METTL21A: variants seen among roughly 807,000 people sequenced by gnomAD.
METTL21A encodes the protein methyltransferase 21A, HSPA lysine, also known as protein N-lysine methyltransferase METTL21A.
METTL21A carries 22 observed loss-of-function variants against 20.9 expected under a neutral mutation model. That is an observed-to-expected ratio of 1.05 (90% confidence interval 0.75 to 1.50). METTL21A has a LOEUF of 1.50. Ranked by LOEUF, METTL21A falls within the 40% of genes most tolerant of loss-of-function variation. The pLI, the probability that METTL21A is intolerant of heterozygous loss-of-function variation, is 0.00. For synonymous variants in METTL21A, 93 were observed against 102.0 expected, an observed-to-expected ratio of 0.91 and a Z score of 0.53; for missense variants, 271 against 266.8, an observed-to-expected ratio of 1.02 and a Z score of -0.11.
intron 2 of METTL21A, among the ~76,000 whole-genome samples, chr2:207,622,213 G>A (rs1559130689): frequency 1.4e-5 from 2 of 146,046 alleles, no homozygotes; most frequent in Non-Finnish European, 3.0e-5. Context: ...CTGTCACCCA[G>A]GCTGGAGTGC....
At chr2:207,624,331 C>T (rs768689877) in exon 2 of METTL21A, 10 of 1,613,896 alleles carry the variant, frequency 6.2e-6, no homozygotes, top group Non-Finnish European at 7.6e-6. Context: ...TGTGGAATTT[C>T]TGCAACCCAA....
At chr2:207,582,089 C>T (rs985777855) in exon 4 of METTL21A, 1 of 702,498 alleles carries the variant, frequency 1.4e-6, no homozygotes, top group African/African-American at 1.7e-5. Context: ...GTCCAGGTGT[C>T]TCCACTGTTG....
At chr2:207,585,364 C>T (rs2083635636) in intron 3 of METTL21A, among the ~76,000 whole-genome samples, 1 of 152,184 alleles carries the variant, frequency 6.6e-6, no homozygotes, top group Non-Finnish European at 1.5e-5. Context: ...AGAGACAACA[C>T]ATCTGAACCC....
intron 2 of METTL21A, among the ~76,000 whole-genome samples, chr2:207,622,187 T>TG (rs1219407495): frequency 1.4e-5 from 2 of 141,594 alleles, no homozygotes; most frequent in Non-Finnish European, 3.0e-5. Flanking sequence ...TTTTTTGAGA[T>TG]GGAGTCTCAG....
chr2:207,599,491 A>G (rs556268504), intron 3 of METTL21A: 4 of 195,676 alleles, frequency 2.0e-5, no homozygotes, highest in African/African-American at 9.2e-5. Flanking sequence ...AATCAAGGCA[A>G]TCACATTCAT....
intron 3 of METTL21A, among the ~76,000 whole-genome samples, chr2:207,589,084 G>T (rs1416824758): frequency 1.3e-5 from 2 of 152,076 alleles, no homozygotes; most frequent in African/African-American, 4.8e-5. Flanking sequence ...CTTAGGGGGT[G>T]TATTAGTTTT....
intron 3 of METTL21A, 127 bp from the exon 4 acceptor site, chr2:207,613,570 C>A: frequency 1.3e-6 from 1 of 795,870 alleles, no homozygotes; most frequent in Non-Finnish European, 1.9e-6. Flanking sequence ...TCAATCACAC[C>A]TTTCATGGAC....
At chr2:207,588,523 A>G (rs1553508021) in intron 3 of METTL21A, among the ~76,000 whole-genome samples, 2 of 152,180 alleles carry the variant, frequency 1.3e-5, no homozygotes, top group South Asian at 2.1e-4. Context: ...ACTTTAATGT[A>G]TATTTTATAA....
intron 3 of METTL21A, among the ~76,000 whole-genome samples, chr2:207,621,014 G>A (rs1020720010): frequency 3.9e-5 from 6 of 152,204 alleles, no homozygotes; most frequent in Middle Eastern, 3.4e-3. Flanking sequence ...CCCAGGCCCT[G>A]GTCCAGCCCT....
chr2:207,599,086 CAG>C (rs1335669476), intron 3 of METTL21A: 14 of 189,126 alleles, frequency 7.4e-5, no homozygotes, highest in African/African-American at 1.6e-4. Context: ...CAAGGATGAA[CAG>C]AGTTTATGAA....
chr2:207,600,771 CTCTG>C (rs2086908099), intron 3 of METTL21A: 1 of 209,740 alleles, frequency 4.8e-6, no homozygotes, highest in Non-Finnish European at 9.7e-6. Flanking sequence ...TGAAGTTTAT[CTCTG>C]TCTCTCAGGA....
Position 207,618,170 on chromosome 2 carries a change from A to G in METTL21A, c.259+3636T>C, listed in dbSNP as rs371257212. ...CAGCCTTGGCTGGGCATCAAATCAC[A>G]TGGGAAACTTTTAAAATTCAGATTC... On this transcript the variant is annotated intron_variant, in intron 3 of 3. Coordinates refer to ENST00000406927, the Ensembl canonical transcript of METTL21A. Among the ~76,000 whole-genome samples the G allele has an allele frequency of 5.9e-5, 9 of 152,326 alleles. No homozygotes were observed. The South Asian group carries it at 1.9e-3, about 32-fold the overall frequency.
At chr2:207,596,726 C>T (rs2086246758) in intron 3 of METTL21A, among the ~76,000 whole-genome samples, 1 of 152,138 alleles carries the variant, frequency 6.6e-6, no homozygotes, top group Non-Finnish European at 1.5e-5. Flanking sequence ...AGCCGCCACG[C>T]CTGGCCAGAT....
intron 3 of METTL21A, chr2:207,603,300 G>A (rs1575077224): frequency 1.3e-5 from 3 of 223,044 alleles, no homozygotes; most frequent in Non-Finnish European, 2.7e-5. Flanking sequence ...ATATTAAAGT[G>A]ATCCTTGTGA....
intron 3 of METTL21A, chr2:207,601,398 C>T (rs932819841): frequency 5.4e-6 from 1 of 186,634 alleles, no homozygotes; most frequent in African/African-American, 2.3e-5. Context: ...AATATTTTAG[C>T]ACCTAAAAGC....
chr2:207,618,488 C>T (rs1242280780), intron 3 of METTL21A, among the ~76,000 whole-genome samples: 1 of 152,042 alleles, frequency 6.6e-6, no homozygotes, highest in Non-Finnish European at 1.5e-5. Flanking sequence ...ATCACAAGGT[C>T]AGGAGTTCAA....
chr2:207,614,392 A>AG (rs1414377589), intron 3 of METTL21A, among the ~76,000 whole-genome samples: 1 of 150,984 alleles, frequency 6.6e-6, no homozygotes. Context: ...AAAAAAAAAA[A>AG]AATATCTGGG....
At chr2:207,594,493 T>C (rs991083139) in intron 3 of METTL21A, among the ~76,000 whole-genome samples, 5 of 152,232 alleles carry the variant, frequency 3.3e-5, no homozygotes, top group Non-Finnish European at 7.3e-5. Context: ...TTTTTGAGAC[T>C]AGCTTGTGTC....
exon 4 of METTL21A, chr2:207,612,861 A>C: frequency 1.8e-6 from 1 of 549,902 alleles, no homozygotes; most frequent in Non-Finnish European, 3.1e-6. Context: ...GTAAAGTCTG[A>C]CTAAAAATCA....
Sources: allele counts gnomAD v4.1 joint callset (sites outside exome capture counted in the v4.1 genomes callset), GRCh38; gene constraint gnomAD v4.1.1; transcripts MANE v1.5; gene names NCBI Gene and HGNC (gene_info 2026-07-23, HGNC 2026-07-21).